Variants in TRRAP observed in about 807,000 individuals in gnomAD.
TRRAP encodes transformation/transcription domain associated protein.
TRRAP carries 41 observed loss-of-function variants against 438.8 expected under a neutral mutation model. The observed-to-expected ratio is 0.09, with a 90% CI of 0.07 to 0.12. The LOEUF is 0.12. TRRAP is among the 10% of genes least tolerant of loss of function. The probability of loss-of-function intolerance (pLI) is 1.00; values close to 1 mark genes in which losing one functional copy is unlikely to be tolerated. For missense variants in TRRAP, 3,122 were observed against 5,055.1 expected (o/e 0.62, Z 11.60); for synonymous variants, 1,994 against 1,962.9 (o/e 1.02, Z -0.42).
At chr7:98,931,302 T>C (rs1352270902) in intron 25 of TRRAP, 103 bp from the exon 26 acceptor site, 21 of 1,514,658 alleles carry the variant, frequency 1.4e-5, no homozygotes, top group Non-Finnish European at 1.9e-5. Context: ...GAGAAGGGCA[T>C]GGACCCCAGT....
chr7:98,976,510 C>T lies in TRRAP; in HGVS notation c.7987C>T (p.Leu2663=), dbSNP rs142487339. Residue 2663 remains leucine (L), a synonymous_variant, in exon 55 of 73, where the codon CTG becomes TTG. Transcript: ENST00000456197. The surrounding 1 kb of genome is among the most constrained non-coding windows in gnomAD (Gnocchi z 4.6). Reference sequence around the variant, plus strand: ...ACTCGCGGGTGAGATAAGTCCATTTCTGTGCAGCGGCAGTCACCAGGTGCA... The same window carrying T: ...ACTCGCGGGTGAGATAAGTCCATTTTTGTGCAGCGGCAGTCACCAGGTGCA... ...HALAGEISPF[L]CSGSHQVQRD... 1.2e-4 allele frequency: 198 copies of T among 1,612,120 alleles called. No individual in the cohort carries two copies. The highest frequency in any genetic ancestry group is 1.6e-4 in the Non-Finnish European group (187 of 1,180,030).
chr7:98,890,793 T>TTC (rs1446875138), intron 4 of TRRAP, among the ~76,000 whole-genome samples: 2 of 127,432 alleles, frequency 1.6e-5, no homozygotes, highest in African/African-American at 7.5e-5. Context: ...TTTTTTTTTT[T>TTC]TTTTTTTTTT....
At chr7:98,937,566 C>A in intron 29 of TRRAP, 84 bp from the exon 30 acceptor site, 1 of 1,387,692 alleles carries the variant, frequency 7.2e-7, no homozygotes. Flanking sequence ...CGGAAACTTG[C>A]AGCTAAGGTT....
chr7:98,895,350 G>A (rs1554405562), intron 6 of TRRAP, among the ~76,000 whole-genome samples: 1 of 152,150 alleles, frequency 6.6e-6, no homozygotes, highest in Non-Finnish European at 1.5e-5. Flanking sequence ...GACTAGCTTT[G>A]TAGGAGAATT....
chr7:98,880,262 G>GTTTTTTTTTTTTTTT (rs201053093), intron 1 of TRRAP, among the ~76,000 whole-genome samples: 1 of 132,114 alleles, frequency 7.6e-6, no homozygotes, highest in African/African-American at 2.9e-5. Context: ...TGTTGTTGTT[G>GTTTTTTTTTTTTTTT]TTTTTTTTTT....
intron 18 of TRRAP, among the ~76,000 whole-genome samples, chr7:98,915,047 G>A (rs1554409369): frequency 5.9e-5 from 9 of 152,046 alleles, no homozygotes. Flanking sequence ...GTATGATCTA[G>A]TAGAGTGGTT....
chr7:98,935,952 G>A (rs187684402), intron 28 of TRRAP, among the ~76,000 whole-genome samples: 3 of 152,274 alleles, frequency 2.0e-5, no homozygotes, highest in East Asian at 1.9e-4. Context: ...AAGGATTGTC[G>A]TATCATTCAT....
At position 98,967,478 on chromosome 7, in the gene TRRAP, G is replaced by A; in HGVS notation, c.7299-7G>A. 6.2e-7 allele frequency: 1 copy of A among 1,613,538 alleles called. No individual in the cohort carries two copies. The highest frequency in any genetic ancestry group is 1.1e-5 in the South Asian group (1 of 91,064). On this transcript the variant is annotated splice_polypyrimidine_tract_variant and splice_region_variant and intron_variant, in intron 50 of 72. Coordinates refer to ENST00000456197, the MANE Select transcript of TRRAP (RefSeq NM_001375524.1). ...TCGTCTTGCCTGTCTCTGACTTGGT[G>A]TTACAGGGATGAGACCCTCTCTGGC...
chr7:98,882,036 A>G lies in TRRAP; in HGVS notation c.150+12A>G. ...GTGAAAATTTTGAGGTATGAGCATTATATTTTCTATTTTTCATTTTGAGGT... is the reference window on the plus strand; with the variant it reads ...GTGAAAATTTTGAGGTATGAGCATTGTATTTTCTATTTTTCATTTTGAGGT... On this transcript the variant is annotated intron_variant, in intron 3 of 72. Transcript: ENST00000456197. The G allele has an allele frequency of 1.2e-6, 2 of 1,601,022 alleles. No homozygotes were observed. The highest frequency in any genetic ancestry group is 1.1e-5 in the South Asian group (1 of 87,832).
chr7:98,954,278 G>A (rs1224905503), intron 40 of TRRAP, among the ~76,000 whole-genome samples: 1 of 152,250 alleles, frequency 6.6e-6, no homozygotes, highest in Non-Finnish European at 1.5e-5. Flanking sequence ...CGCTCACACG[G>A]TCCATGCCCT....
intron 31 of TRRAP, among the ~76,000 whole-genome samples, chr7:98,944,512 G>A (rs1191439123): frequency 6.6e-6 from 1 of 152,094 alleles, no homozygotes; most frequent in Admixed American, 6.5e-5. Context: ...TCCAGGGAGG[G>A]TCCAGCTCTG....
chr7:98,999,729 A>G, intron 67 of TRRAP: 1 of 718,406 alleles, frequency 1.4e-6, no homozygotes, highest in Non-Finnish European at 2.5e-6. Context: ...GGAGAAAGCA[A>G]ATGGTATATT....
At chr7:98,893,552 G>T (rs782681542) in intron 5 of TRRAP, among the ~76,000 whole-genome samples, 1 of 152,158 alleles carries the variant, frequency 6.6e-6, no homozygotes, top group Non-Finnish European at 1.5e-5. Context: ...TTAGCTCCTG[G>T]TGCCACTTTC....
chr7:98,989,806 G>T (rs952225650), intron 63 of TRRAP, among the ~76,000 whole-genome samples: 22 of 152,214 alleles, frequency 1.4e-4, no homozygotes, highest in Admixed American at 3.3e-4. Context: ...AGTTCATTTT[G>T]TTTGGATGAG....
rs782599289 is a variant in TRRAP at position 98,950,959 on chromosome 7, A to G, written c.5418A>G (p.Pro1806=). 13 of 1,611,298 alleles carry G rather than the reference A, an allele frequency of 8.1e-6. No homozygotes were observed. Among genetic ancestry groups the G allele is most frequent in the Non-Finnish European group, 1.0e-5 (12 of 1,179,100 alleles). The part of the protein sequence containing the change: ...EGEQLLGPPN[P]EGDNPESITS... ...AGCAGCTCTTGGGACCTCCCAATCC[A>G]GAAGGAGATAACCCAGAAAGCATCA... Residue 1806 remains proline (P), a synonymous_variant, in exon 39 of 73, where the codon CCA becomes CCG. Coordinates refer to ENST00000456197, the MANE Select transcript of TRRAP (RefSeq NM_001375524.1).
At chr7:98,878,669 C>T (rs1795274412) in intron 1 of TRRAP, 32 bp downstream of exon 1, 1 of 151,706 alleles carries the variant, frequency 6.6e-6, no homozygotes, top group Non-Finnish European at 1.5e-5. Flanking sequence ...CGAACGGCCC[C>T]GGGAGGTGCG....
At position 99,011,938 on chromosome 7, in the gene TRRAP, C is replaced by A; in HGVS notation, c.11338-133C>A. 1 of 1,184,722 alleles carries A rather than the reference C, an allele frequency of 8.4e-7. No individual in the cohort carries two copies. The highest frequency in any genetic ancestry group is 1.2e-6 in the Non-Finnish European group (1 of 850,774). The allele number at this position is 1,184,722 out of a possible 1,614,324, so 73.4% of individuals were successfully genotyped here. A position where few individuals can be genotyped will look rare whatever the true frequency, so the allele number is the denominator to read the frequency against. On this transcript the variant is annotated intron_variant, in intron 72 of 72. Coordinates refer to ENST00000456197, the MANE Select transcript of TRRAP (RefSeq NM_001375524.1). This position sits in a 1 kb window ranked among gnomAD's most constrained non-coding sequence, Gnocchi z 7.1. ...CCCGTCCTGAGGGCACACAGCCTGG[C>A]CTGGTGCTGAAACTCGACTGGCCCT...
intron 4 of TRRAP, among the ~76,000 whole-genome samples, chr7:98,890,807 A>ATTG (rs1554404719): frequency 1.2e-4 from 1 of 8,402 alleles, no homozygotes. Flanking sequence ...TTTTTTTTTA[A>ATTG]AAGACAAGGT....
chr7:98,969,449 TG>T (rs1562964968), intron 51 of TRRAP, among the ~76,000 whole-genome samples: 10 of 152,236 alleles, frequency 6.6e-5, no homozygotes, highest in African/African-American at 2.4e-4. Context: ...AGCACATGCC[TG>T]GCTGTGTCCT....
Sources: allele counts gnomAD v4.1 joint callset (sites outside exome capture counted in the v4.1 genomes callset), GRCh38; gene constraint gnomAD v4.1.1; non-coding constraint Gnocchi (gnomAD v3.1); transcripts MANE v1.5; gene names NCBI Gene and HGNC (gene_info 2026-07-23, HGNC 2026-07-21).